MEGF8: variants seen among roughly 807,000 people sequenced by gnomAD.
The protein encoded by MEGF8 is multiple epidermal growth factor-like domains protein 8.
MEGF8 carries 156 observed loss-of-function variants against 302.9 expected under a neutral mutation model. The observed-to-expected ratio is 0.52, with a 90% confidence interval of 0.45 to 0.59. The LOEUF is 0.59. Ranked by LOEUF, MEGF8 falls within the 20% of genes least tolerant of loss-of-function variation. The pLI, the probability that MEGF8 is intolerant of heterozygous loss-of-function variation, is 0.00. For missense variants in MEGF8, 3,345 were observed against 3,964.5 expected (o/e 0.84, Z 4.20); for synonymous variants, 1,621 against 1,660.5 (o/e 0.98, Z 0.58).
At chr19:42,333,985 C>T (rs746684219) in intron 2 of MEGF8, 22 bp from the exon 3 acceptor site, 3 of 1,607,624 alleles carry the variant, frequency 1.9e-6, no homozygotes, top group Non-Finnish European at 1.7e-6. Flanking sequence ...CCCACCTTAC[C>T]CAGCACACCT....
chr19:42,352,510 A>C lies in MEGF8; in HGVS notation c.3350+54A>C. On this transcript the variant is annotated intron_variant, in intron 19 of 41. Transcript: ENST00000251268. The surrounding 1 kb of genome is among the most constrained non-coding windows in gnomAD (Gnocchi z 4.4). Reference sequence around the variant, plus strand: ...TGTTGCCCCAGGCTGGGGCACATGGAGGTGGAGGGAGGAAGCCATCATGGC... The same window carrying C: ...TGTTGCCCCAGGCTGGGGCACATGGCGGTGGAGGGAGGAAGCCATCATGGC... The C allele has an allele frequency of 6.6e-7, 1 of 1,515,798 alleles. No individual in the cohort carries two copies. The highest frequency in any genetic ancestry group is 8.9e-7 in the Non-Finnish European group (1 of 1,124,948). The allele number at this position is 1,515,798 out of a possible 1,614,324, so 93.9% of individuals were successfully genotyped here. A position where few individuals can be genotyped will look rare whatever the true frequency, so the allele number is the denominator to read the frequency against.
chr19:42,351,454 G>T lies in MEGF8; in HGVS notation c.2881G>T (p.Ala961Ser). Residue 961 changes from alanine (A) to serine (S), a missense_variant, in exon 17 of 42, where the codon GCC (alanine) becomes TCC (serine). By Grantham distance (99) the Ala-to-Ser change is moderately conservative. Transcript: ENST00000251268. The surrounding 1 kb of genome is among the most constrained non-coding windows in gnomAD (Gnocchi z 5.6). ...GCGACTGACCTGTGAGGACTGCCTG[G>T]CCAACTCTAGCCAGTGCGCCTGGTG... is the stretch of plus-strand genomic sequence containing the variant. ...SQRLTCEDCLANSSQCAWCQS... is the reference protein window; with the variant it reads ...SQRLTCEDCLSNSSQCAWCQS... 1 of 1,598,438 alleles carries T rather than the reference G, an allele frequency of 6.3e-7. No individual in the cohort carries two copies.
chr19:42,363,917 T>C (rs1676213), intron 35 of MEGF8, among the ~76,000 whole-genome samples: 12,771 of 152,268 alleles, frequency 0.084, 685 homozygotes, highest in Middle Eastern at 0.17. Flanking sequence ...CAGCCTTGAC[T>C]CCCAGTCTAG....
intron 35 of MEGF8, among the ~76,000 whole-genome samples, chr19:42,367,160 C>T (rs2039617397): frequency 6.6e-6 from 1 of 152,204 alleles, no homozygotes; most frequent in Admixed American, 6.5e-5. Context: ...GGGGTCCTGA[C>T]ATACAAATAT....
chr19:42,351,094 T>G lies in MEGF8; in HGVS notation c.2737-122T>G, dbSNP rs1265098222. On this transcript the variant is annotated intron_variant, in intron 15 of 41. Transcript: ENST00000251268. The surrounding 1 kb of genome is among the most constrained non-coding windows in gnomAD (Gnocchi z 5.6). The stretch of plus-strand genomic sequence containing the variant: ...GGAGGGGTCCAGAGACGCAGGCAGC[T>G]GGGGAGGGAGATGGCCTTACAGGGA... 1.2e-6 allele frequency: 1 copy of G among 838,012 alleles called. No homozygotes were observed. The highest frequency in any genetic ancestry group is 1.8e-6 in the Non-Finnish European group (1 of 543,136). 51.9% of individuals were successfully genotyped at this position (838,012 alleles called of 1,614,324 possible).
In MEGF8 at chr19:42,333,591, TG is replaced by T. The variant is rs779857310; in HGVS notation, c.188-13del. 89 of 1,611,776 alleles carry T rather than the reference TG, an allele frequency of 5.5e-5. No homozygotes were observed. Among genetic ancestry groups the T allele is most frequent in the Non-Finnish European group, 7.3e-5 (86 of 1,178,606 alleles). ...TCCGCTTTAGAGCTTGGTCCCTCTG[TG>T]CTCACCTCCCAGCCCCAAGCCCCCA... On this transcript the variant is annotated splice_polypyrimidine_tract_variant and intron_variant, in intron 1 of 41. Coordinates refer to ENST00000251268, the MANE Select transcript of MEGF8 (RefSeq NM_001271938.2).
intron 1 of MEGF8, among the ~76,000 whole-genome samples, chr19:42,328,377 C>G (rs1164209144): frequency 6.6e-6 from 1 of 152,108 alleles, no homozygotes; most frequent in Non-Finnish European, 1.5e-5. Flanking sequence ...TTGTCTTTGT[C>G]TGGGGGCTCT....
intron 35 of MEGF8, among the ~76,000 whole-genome samples, chr19:42,363,692 T>C (rs575289279): frequency 6.6e-6 from 1 of 152,336 alleles, no homozygotes; most frequent in South Asian, 2.1e-4. Context: ...TCTCTTTCTC[T>C]CTCTACTTAT....
Position 42,356,864 on chromosome 19 carries a change from C to T in MEGF8, c.4713C>T (p.Ala1571=), listed in dbSNP as rs149279834. The change falls in exon 27 of 42, where the codon GCC becomes GCT. Residue 1571 remains alanine, a synonymous_variant. Coordinates refer to ENST00000251268, the MANE Select transcript of MEGF8 (RefSeq NM_001271938.2). This position sits in a 1 kb window ranked among gnomAD's most constrained non-coding sequence, Gnocchi z 5.2. ...PGPSPRSFHA[A]AYVPAGRGAM... ...CATCGCCCCGCTCCTTCCATGCAGC[C>T]GCATATGTGCCCGCTGGCCGTGGTG... 9.6e-3 allele frequency: 15,182 copies of T among 1,589,726 alleles called. 133 individuals are homozygous for T. The highest frequency in any genetic ancestry group is 0.034 in the South Asian group (2,918 of 86,960).
Position 42,352,995 on chromosome 19 carries a change from G to A in MEGF8, c.3418G>A (p.Gly1140Ser). 6.3e-7 allele frequency: 1 copy of A among 1,592,692 alleles called. No homozygotes were observed. The highest frequency in any genetic ancestry group is 8.5e-7 in the Non-Finnish European group (1 of 1,170,324). The change falls in exon 20 of 42, where the codon GGC becomes AGC. Residue 1140 changes from glycine to serine, a missense_variant. By Grantham distance (56) the Gly-to-Ser change is moderately conservative (BLOSUM62 0). Transcript: ENST00000251268. The surrounding 1 kb of genome is among the most constrained non-coding windows in gnomAD (Gnocchi z 4.4). ...GGACTTTACCTGCGTGTGTGACCTA[G>A]GCTGGACATCAGACCTGCCCCCTCC... Reference protein sequence around the residue: ...PPDFTCVCDLGWTSDLPPPTP... With the variant: ...PPDFTCVCDLSWTSDLPPPTP...
intron 35 of MEGF8, among the ~76,000 whole-genome samples, chr19:42,366,869 T>A (rs1281172693): frequency 2.0e-5 from 3 of 152,178 alleles, no homozygotes; most frequent in Non-Finnish European, 2.9e-5. Flanking sequence ...GCCCTAAATT[T>A]AGATCTGGAA....
At chr19:42,342,065 C>G (rs959126778) in intron 8 of MEGF8, among the ~76,000 whole-genome samples, 5 of 152,278 alleles carry the variant, frequency 3.3e-5, no homozygotes, top group Non-Finnish European at 7.4e-5. Flanking sequence ...CCTGTGTGAC[C>G]ATCAGGAATA....
intron 23 of MEGF8, among the ~76,000 whole-genome samples, 188 bp from the exon 24 acceptor site, chr19:42,355,570 T>C (rs904371348): frequency 6.6e-6 from 1 of 152,140 alleles, no homozygotes; most frequent in Non-Finnish European, 1.5e-5. Context: ...GTGAGAGATT[T>C]AGGCTTGAAG....
In MEGF8 at chr19:42,352,463, G is replaced by A. The variant is rs1486469155; in HGVS notation, c.3350+7G>A. The A allele has an allele frequency of 6.3e-7, 1 of 1,583,062 alleles. No individual in the cohort carries two copies. The highest frequency in any genetic ancestry group is 2.3e-5 in the East Asian group (1 of 43,736). On this transcript the variant is annotated splice_region_variant and intron_variant, in intron 19 of 41. Transcript: ENST00000251268. This position sits in a 1 kb window ranked among gnomAD's most constrained non-coding sequence, Gnocchi z 4.4. ...TCTCACACTGCAACCGCACGTGAGT[G>A]AGGCGGGGGTTGCTATGGAGATGTT...
chr19:42,350,248 T>C lies in MEGF8; in HGVS notation c.2600T>C (p.Leu867Pro). The C allele has an allele frequency of 1.2e-6, 2 of 1,612,574 alleles. No homozygotes were observed. The change falls in exon 15 of 42, where the codon CTG becomes CCG. Residue 867 changes from leucine (L) to proline (P), a missense_variant. Leu to Pro is a moderately conservative substitution (Grantham distance 98). Transcript: ENST00000251268. ...GCAGACCAGGGCTGTGGCTGGTGCC[T>C]GACCAGTGCCACCTGCCACCTGCGC... ...CLADQGCGWC[L>P]TSATCHLRQG...
Position 42,368,862 on chromosome 19 carries a change from G to A in MEGF8, c.6501G>A (p.Pro2167=), listed in dbSNP as rs145990797. The A allele has an allele frequency of 6.8e-6, 11 of 1,613,294 alleles. No homozygotes were observed. The highest frequency in any genetic ancestry group is 2.2e-5 in the East Asian group (1 of 44,894). The change falls in exon 37 of 42, where the codon CCG becomes CCA. Residue 2167 remains proline (P), a synonymous_variant. Coordinates refer to ENST00000251268, the MANE Select transcript of MEGF8 (RefSeq NM_001271938.2). The surrounding 1 kb of genome is among the most constrained non-coding windows in gnomAD (Gnocchi z 4.9). ...GPRDGLTCGR[P]GASWAFLSCP... The stretch of plus-strand genomic sequence containing the variant: ...TGCTAGGGCTGACATGTGGGCGTCC[G>A]GGGGCCTCCTGGGCCTTCCTGTCCT...
At position 42,368,950 on chromosome 19, in the gene MEGF8, G is replaced by A. The variant is rs755014441; in HGVS notation, c.6589G>A (p.Asp2197Asn). 3.7e-6 allele frequency: 6 copies of A among 1,613,764 alleles called. No individual in the cohort carries two copies. The African/African-American group carries it at 4.0e-5, about 11-fold the overall frequency. The part of the protein sequence containing the change: ...HDCNETQNCH[D>N]QPHGYECSCK... ...CTGCAACGAGACGCAGAATTGCCAC[G>A]ACCAGCCCCACGGCTATGAGTGCAG... Residue 2197 changes from aspartate to asparagine, a missense_variant, in exon 37 of 42, where the codon GAC becomes AAC. By Grantham distance (23) the Asp-to-Asn change is conservative (BLOSUM62 1). Coordinates refer to ENST00000251268, the MANE Select transcript of MEGF8 (RefSeq NM_001271938.2). This position sits in a 1 kb window ranked among gnomAD's most constrained non-coding sequence, Gnocchi z 4.9.
rs781130941 is a variant in MEGF8, at chr19:42,355,986, G to A, written c.4373G>A (p.Gly1458Glu). ...LCPENCNAHTGAGTCNQSLGV... is the reference protein window; with the variant it reads ...LCPENCNAHTEAGTCNQSLGV... ...CCTGAGAACTGCAATGCCCACACTG[G>A]GGCAGGAACTTGTAACCAGGTACAG... is the stretch of plus-strand genomic sequence containing the variant. The change falls in exon 24 of 42, where the codon GGG becomes GAG. Residue 1458 changes from glycine to glutamate, a missense_variant. Physicochemically the swap from Gly to Glu is moderately conservative, Grantham distance 98. Transcript: ENST00000251268. 4 of 1,611,780 alleles carry A rather than the reference G, an allele frequency of 2.5e-6. No homozygotes were observed. In the Admixed American group the frequency reaches 5.0e-5, roughly 20 times the overall value.
At position 42,368,639 on chromosome 19, in the gene MEGF8, G is replaced by A; in HGVS notation, c.6458G>A (p.Gly2153Asp). The A allele has an allele frequency of 6.4e-7, 1 of 1,559,158 alleles. No homozygotes were observed. The highest frequency in any genetic ancestry group is 8.7e-7 in the Non-Finnish European group (1 of 1,152,588). Residue 2153 changes from glycine to aspartate, a missense_variant, in exon 36 of 42, where the codon GGT (glycine) becomes GAT (aspartate). By Grantham distance (94) the Gly-to-Asp change is moderately conservative. Coordinates refer to ENST00000251268, the MANE Select transcript of MEGF8 (RefSeq NM_001271938.2). This position sits in a 1 kb window ranked among gnomAD's most constrained non-coding sequence, Gnocchi z 4.9. ...GATGGGGGTGGCCGCTGCATGGAGG[G>A]TGGACTCAGCGGCCCCCGTGATGGT... ...GQDGGGRCME[G>D]GLSGPRDGLT...
Sources: allele counts gnomAD v4.1 joint callset (sites outside exome capture counted in the v4.1 genomes callset), GRCh38; gene constraint gnomAD v4.1.1; non-coding constraint Gnocchi (gnomAD v3.1); transcripts MANE v1.5; gene names NCBI Gene and HGNC (gene_info 2026-07-23, HGNC 2026-07-21).